BRINP1: variants seen among roughly 807,000 people sequenced by gnomAD.
The protein encoded by BRINP1 is BMP/retinoic acid-inducible neural-specific protein 1.
BRINP1 carries 17 observed loss-of-function variants against 72.9 expected under a neutral mutation model. That is an observed-to-expected ratio of 0.23 (90% CI 0.16 to 0.35). BRINP1 has a LOEUF of 0.35. Ranked by LOEUF, BRINP1 falls within the 10% of genes least tolerant of loss-of-function variation. BRINP1 has a pLI of 1.00. For missense variants in BRINP1, 850 were observed against 1,001.6 expected (o/e 0.85, Z 2.04); for synonymous variants, 418 against 378.5 (o/e 1.10, Z -1.21).
chr9:119,281,692 C>T (rs1434421989), intron 2 of BRINP1, among the ~76,000 whole-genome samples: 2 of 149,022 alleles, frequency 1.3e-5, no homozygotes, highest in Non-Finnish European at 3.0e-5. Context: ...AAATATAAAT[C>T]TAGCATTTAT....
At chr9:119,191,031 A>T (rs1208035983) in intron 7 of BRINP1, among the ~76,000 whole-genome samples, 1 of 152,084 alleles carries the variant, frequency 6.6e-6, no homozygotes, top group African/African-American at 2.4e-5. Flanking sequence ...TAAAAGATTA[A>T]AATCATAAGA....
At chr9:119,353,889 C>A (rs538325931) in intron 1 of BRINP1, among the ~76,000 whole-genome samples, 9 of 129,668 alleles carry the variant, frequency 6.9e-5, no homozygotes, top group South Asian at 2.5e-4. Flanking sequence ...ATAATTGAGA[C>A]CCTGCTGTTC....
intron 2 of BRINP1, among the ~76,000 whole-genome samples, chr9:119,298,273 G>A (rs904692988): frequency 1.3e-5 from 2 of 152,184 alleles, no homozygotes; most frequent in Admixed American, 6.5e-5. Flanking sequence ...ACATGACAGT[G>A]CATGGTTTAC....
chr9:119,247,520 T>C (rs1236872012), intron 3 of BRINP1, among the ~76,000 whole-genome samples: 2 of 151,752 alleles, frequency 1.3e-5, no homozygotes, highest in African/African-American at 4.8e-5. Flanking sequence ...CCGGGCATGG[T>C]GGTGGGCGCC....
chr9:119,282,323 T>G (rs1343103508), intron 2 of BRINP1, among the ~76,000 whole-genome samples: 1 of 152,078 alleles, frequency 6.6e-6, no homozygotes, highest in African/African-American at 2.4e-5. Flanking sequence ...GATACTTGGG[T>G]TGTAGCTGTG....
intron 2 of BRINP1, among the ~76,000 whole-genome samples, chr9:119,272,894 C>T (rs1215917544): frequency 1.3e-5 from 2 of 151,448 alleles, no homozygotes; most frequent in South Asian, 2.1e-4. Flanking sequence ...TGTGTAGGTC[C>T]TTGTCCTTAG....
intron 2 of BRINP1, among the ~76,000 whole-genome samples, chr9:119,279,031 G>A (rs1830683602): frequency 7.7e-6 from 1 of 130,306 alleles, no homozygotes; most frequent in African/African-American, 2.9e-5. Context: ...GAAAACTGAG[G>A]TACAGAGATG....
intron 2 of BRINP1, among the ~76,000 whole-genome samples, chr9:119,254,594 C>T (rs544879936): frequency 5.9e-5 from 9 of 152,230 alleles, no homozygotes; most frequent in African/African-American, 2.2e-4. Context: ...CTTTGTCAGC[C>T]TTAGTAAAAC....
intron 1 of BRINP1, among the ~76,000 whole-genome samples, chr9:119,322,197 A>T (rs1587960350): frequency 1.3e-5 from 2 of 152,130 alleles, no homozygotes; most frequent in Admixed American, 1.3e-4. Context: ...CACAAAGGGA[A>T]TTTCCTGCCA....
At chr9:119,354,077 T>C (rs1251673666) in intron 1 of BRINP1, among the ~76,000 whole-genome samples, 1 of 152,002 alleles carries the variant, frequency 6.6e-6, no homozygotes, top group African/African-American at 2.4e-5. Flanking sequence ...TTCTTATTAT[T>C]CTTTGGTAAT....
chr9:119,335,688 A>G (rs1237707913), intron 1 of BRINP1, among the ~76,000 whole-genome samples: 1 of 152,158 alleles, frequency 6.6e-6, no homozygotes. Context: ...CACCTATCTA[A>G]TATCAGTGAT....
chr9:119,282,941 C>T, intron 2 of BRINP1: 4 of 985,364 alleles, frequency 4.1e-6, no homozygotes, highest in Non-Finnish European at 4.8e-6. Context: ...TTCTTTCTCT[C>T]TTCAATGTTA....
chr9:119,365,116 G>C (rs926941555), intron 1 of BRINP1, among the ~76,000 whole-genome samples: 3 of 152,170 alleles, frequency 2.0e-5, no homozygotes, highest in Non-Finnish European at 2.9e-5. Flanking sequence ...GGCAAACAGA[G>C]ACACAAACTA....
At chr9:119,218,404 A>G (rs778020095) in intron 5 of BRINP1, among the ~76,000 whole-genome samples, 25 of 151,716 alleles carry the variant, frequency 1.6e-4, no homozygotes, top group Non-Finnish European at 3.5e-4. Context: ...CGGCCTCCCA[A>G]AGTGCTGGGA....
At chr9:119,268,930 C>A (rs531670180) in intron 2 of BRINP1, among the ~76,000 whole-genome samples, 1 of 152,128 alleles carries the variant, frequency 6.6e-6, no homozygotes, top group Admixed American at 6.5e-5. Flanking sequence ...ATGAAAGGCA[C>A]TAAAATGTAG....
intron 1 of BRINP1, among the ~76,000 whole-genome samples, chr9:119,329,884 C>T (rs927332046): frequency 1.3e-5 from 2 of 152,162 alleles, no homozygotes; most frequent in Admixed American, 1.3e-4. Flanking sequence ...CAGCAAGATC[C>T]AAATCCATGT....
chr9:119,205,021 T>G (rs1487294845), intron 7 of BRINP1, among the ~76,000 whole-genome samples: 2 of 152,236 alleles, frequency 1.3e-5, no homozygotes, highest in African/African-American at 4.8e-5. Context: ...ATTGAAACCA[T>G]GCAATCAGTT....
At position 119,194,383 on chromosome 9, in the gene BRINP1, G is replaced by C. The variant is rs184151154; in HGVS notation, c.1145+14336C>G. Reference sequence around the variant, plus strand: ...CTGTACTAGGGAGCATTCTAAAAATGCCTTCTTCCTCCCCAAGGTTCCAGG... The same window carrying C: ...CTGTACTAGGGAGCATTCTAAAAATCCCTTCTTCCTCCCCAAGGTTCCAGG... On this transcript the variant is annotated intron_variant, in intron 7 of 7. Transcript: ENST00000265922. 1.5e-4 allele frequency among the ~76,000 whole-genome samples: 23 copies of C among 152,238 alleles called. No homozygotes were observed. In the South Asian group the frequency reaches 4.6e-3, roughly 30 times the overall value.
At chr9:119,213,109 T>A (rs1437684517) in intron 6 of BRINP1, among the ~76,000 whole-genome samples, 1 of 152,188 alleles carries the variant, frequency 6.6e-6, no homozygotes. Flanking sequence ...CCTTCTCATA[T>A]CTGCACCATA....
Sources: allele counts gnomAD v4.1 joint callset (sites outside exome capture counted in the v4.1 genomes callset), GRCh38; gene constraint gnomAD v4.1.1; transcripts MANE v1.5; gene names NCBI Gene and HGNC (gene_info 2026-07-23, HGNC 2026-07-21).